The following TBXAS1 variants were observed in gnomAD, a reference collection of about 807,000 sequenced individuals.
The protein encoded by TBXAS1 is thromboxane-A synthase.
A neutral mutation model predicts 60.7 loss-of-function variants in TBXAS1; 48 were observed. The ratio of observed to expected loss-of-function variants is 0.79; its 90% CI spans 0.63 to 1.01. TBXAS1 has a LOEUF of 1.01. Among genes scored for constraint, TBXAS1 ranks in the 50% least tolerant of loss-of-function variants. TBXAS1 has a pLI of 0.00. For synonymous variants in TBXAS1, 287 were observed against 269.7 expected (o/e 1.06, Z -0.63); for missense variants, 685 against 686.3 (o/e 1.00, Z 0.02).
intron 3 of TBXAS1, among the ~76,000 whole-genome samples, chr7:139,909,148 A>G (rs1033756291): frequency 6.6e-6 from 1 of 152,110 alleles, no homozygotes; most frequent in Non-Finnish European, 1.5e-5. Context: ...GTATCTTGGC[A>G]TGGATTTCCT....
chr7:139,807,033 T>G (rs1282458276), intron 4 of TBXAS1, among the ~76,000 whole-genome samples: 1 of 152,214 alleles, frequency 6.6e-6, no homozygotes, highest in Admixed American at 6.5e-5. Context: ...GCCTTCCACT[T>G]GCTGGGGAGT....
chr7:140,015,803 G>A lies in TBXAS1; in HGVS notation c.1307G>A (p.Gly436Asp), dbSNP rs1814990451. ...PAGAVLEMAVGALHHDPEHWP... is the reference protein window; with the variant it reads ...PAGAVLEMAVDALHHDPEHWP... ...GGCGCTGTGCTAGAGATGGCCGTGG[G>A]TGCCCTGCACCATGACCCTGAGCAC... Residue 436 changes from glycine (G) to aspartate (D), a missense_variant, in exon 11 of 13, where the codon GGT becomes GAT. Transcript: ENST00000448866. 6.2e-7 allele frequency: 1 copy of A among 1,613,660 alleles called. No individual in the cohort carries two copies. The highest frequency in any genetic ancestry group is 1.3e-5 in the African/African-American group (1 of 74,908).
chr7:139,998,659 G>A (rs558168881), intron 9 of TBXAS1, among the ~76,000 whole-genome samples: 1 of 152,322 alleles, frequency 6.6e-6, no homozygotes, highest in South Asian at 2.1e-4. Context: ...GCAATAAAGT[G>A]TTTCACAAGG....
intron 1 of TBXAS1, among the ~76,000 whole-genome samples, chr7:139,863,411 A>C (rs995458326): frequency 3.3e-5 from 5 of 152,146 alleles, no homozygotes; most frequent in African/African-American, 1.2e-4. Flanking sequence ...TTCCTTAGGC[A>C]ACAAATTATA....
In TBXAS1 at chr7:139,841,851, A is replaced by C. The variant is rs189975771; in HGVS notation, c.89+12372A>C. On this transcript the variant is annotated intron_variant, in intron 1 of 12. Coordinates refer to ENST00000448866, the MANE Select transcript of TBXAS1 (RefSeq NM_001061.7). Reference sequence around the variant, plus strand: ...CCCTTACTGCAGATATGCCACTATCAGAAAACACATTCTTAGCACTTTTTG... The same window carrying C: ...CCCTTACTGCAGATATGCCACTATCCGAAAACACATTCTTAGCACTTTTTG... 2.8e-4 allele frequency among the ~76,000 whole-genome samples: 43 copies of C among 152,350 alleles called. 1 individual carries two copies. In the East Asian group the frequency reaches 6.9e-3, roughly 25 times the overall value.
intron 9 of TBXAS1, among the ~76,000 whole-genome samples, chr7:139,974,519 G>A (rs374054625): frequency 6.6e-6 from 1 of 152,096 alleles, no homozygotes; most frequent in Non-Finnish European, 1.5e-5. Context: ...GAGAGCACAC[G>A]GGGCCCCTGA....
Position 139,910,733 on chromosome 7 carries a change from T to G in TBXAS1, c.237-492T>G, listed in dbSNP as rs1805453546. Reference sequence around the variant, plus strand: ...AGTTCTTCCCAAGCAGGTTTAATCTTTCCTCACAAGCATCTGTTTATTAAT... The same window carrying G: ...AGTTCTTCCCAAGCAGGTTTAATCTGTCCTCACAAGCATCTGTTTATTAAT... On this transcript the variant is annotated intron_variant, in intron 3 of 12. Transcript: ENST00000448866. 2.6e-5 allele frequency among the ~76,000 whole-genome samples: 4 copies of G among 152,226 alleles called. No homozygotes were observed. In the South Asian group the frequency reaches 8.3e-4, roughly 31 times the overall value.
intron 4 of TBXAS1, among the ~76,000 whole-genome samples, chr7:139,802,192 A>G (rs1337243734): frequency 6.6e-6 from 1 of 152,194 alleles, no homozygotes; most frequent in Non-Finnish European, 1.5e-5. Flanking sequence ...ATATTGTTTT[A>G]AGTGTTGTTC....
intron 4 of TBXAS1, chr7:139,913,952 C>T (rs76454052): frequency 0.11 from 17,478 of 152,422 alleles, 1,062 homozygotes; most frequent in East Asian, 0.21. Flanking sequence ...GCCTTGCTCA[C>T]GCTGACACTG....
chr7:139,988,621 G>A (rs1220698077), intron 9 of TBXAS1, among the ~76,000 whole-genome samples: 1 of 152,040 alleles, frequency 6.6e-6, no homozygotes, highest in Non-Finnish European at 1.5e-5. Context: ...CTGCAGGATG[G>A]GGTACTTCTG....
At chr7:139,802,144 T>A (rs1181645899) in intron 4 of TBXAS1, among the ~76,000 whole-genome samples, 1 of 152,260 alleles carries the variant, frequency 6.6e-6, no homozygotes. Context: ...TCATGGAGTC[T>A]GAGATTTTTA....
chr7:139,812,318 T>G (rs1798038814), intron 4 of TBXAS1, among the ~76,000 whole-genome samples: 1 of 152,208 alleles, frequency 6.6e-6, no homozygotes, highest in African/African-American at 2.4e-5. Context: ...TGGGGTGAAC[T>G]CCTCGGTGAC....
Position 139,829,334 on chromosome 7 carries a change from C to T in TBXAS1, c.-57C>T, listed in dbSNP as rs534162963. On this transcript the variant is annotated 5_prime_UTR_variant, in exon 1 of 13. Transcript: ENST00000448866. Reference sequence around the variant, plus strand: ...CAGAGCACGGTTCCCATAAGGGCGGCGAGATCAGCCTCCTGTCTCATCTGG... The same window carrying T: ...CAGAGCACGGTTCCCATAAGGGCGGTGAGATCAGCCTCCTGTCTCATCTGG... 4.7e-5 allele frequency: 72 copies of T among 1,544,624 alleles called. No homozygotes were observed. Among genetic ancestry groups the T allele is most frequent in the Middle Eastern group, 1.7e-4 (1 of 5,954 alleles).
chr7:139,919,452 A>C (rs1008189528), intron 4 of TBXAS1, among the ~76,000 whole-genome samples: 1 of 152,214 alleles, frequency 6.6e-6, no homozygotes, highest in African/African-American at 2.4e-5. Flanking sequence ...CTGGCCTCTC[A>C]GCCTTGTGTG....
intron 9 of TBXAS1, among the ~76,000 whole-genome samples, chr7:139,989,213 G>A (rs545738199): frequency 6.6e-6 from 1 of 152,206 alleles, no homozygotes; most frequent in Non-Finnish European, 1.5e-5. Context: ...CATTGGCCTG[G>A]GGACAGTTTT....
At chr7:140,009,781 G>T (rs573351301) in intron 10 of TBXAS1, among the ~76,000 whole-genome samples, 1 of 84,212 alleles carries the variant, frequency 1.2e-5, no homozygotes, top group Non-Finnish European at 2.3e-5. Flanking sequence ...CCCCACACCC[G>T]CTCCACACCT....
rs1451590414 is a variant in TBXAS1 at position 139,829,296 on chromosome 7, C to T, written c.-95C>T. ...GTGATGTTTGCTTGGTTGCCTGTTCCCTTTTCTACCTGCAGAGCACGGTTC... is the reference window on the plus strand; with the variant it reads ...GTGATGTTTGCTTGGTTGCCTGTTCTCTTTTCTACCTGCAGAGCACGGTTC... On this transcript the variant is annotated 5_prime_UTR_variant, in exon 1 of 13. Coordinates refer to ENST00000448866, the MANE Select transcript of TBXAS1 (RefSeq NM_001061.7). 8.5e-7 allele frequency: 1 copy of T among 1,175,722 alleles called. No homozygotes were observed. The highest frequency in any genetic ancestry group is 2.0e-5 in the Admixed American group (1 of 50,974). The allele number at this position is 1,175,722 out of a possible 1,614,324, so 72.8% of individuals were successfully genotyped here.
At chr7:139,948,333 C>A (rs965680525) in intron 5 of TBXAS1, among the ~76,000 whole-genome samples, 1 of 152,140 alleles carries the variant, frequency 6.6e-6, no homozygotes, top group Admixed American at 6.5e-5. Flanking sequence ...CATGAGTGCT[C>A]TGGTGTCTCT....
At chr7:139,946,207 G>T (rs1262282849) in intron 5 of TBXAS1, among the ~76,000 whole-genome samples, 1 of 152,194 alleles carries the variant, frequency 6.6e-6, no homozygotes, top group Non-Finnish European at 1.5e-5. Context: ...GGTTGTGTGT[G>T]TCTGTAGTCC....
Sources: allele counts gnomAD v4.1 joint callset (sites outside exome capture counted in the v4.1 genomes callset), GRCh38; gene constraint gnomAD v4.1.1; transcripts MANE v1.5; gene names NCBI Gene and HGNC (gene_info 2026-07-23, HGNC 2026-07-21).